Variants in USP48 observed in about 807,000 individuals in gnomAD.
USP48 encodes the protein ubiquitin specific peptidase 48, also known as ubiquitin carboxyl-terminal hydrolase 48.
A neutral mutation model predicts 150.7 loss-of-function variants in USP48; 43 were observed. The ratio of observed to expected loss-of-function variants is 0.29; its 90% confidence interval spans 0.22 to 0.37. USP48 has a LOEUF of 0.37. Ranked by LOEUF, USP48 falls within the 10% of genes least tolerant of loss-of-function variation. The probability of loss-of-function intolerance (pLI) is 1.00; values close to 1 mark genes in which losing one functional copy is unlikely to be tolerated. For missense variants in USP48, 813 were observed against 1,249.6 expected, an observed-to-expected ratio of 0.65 and a Z score of 5.27; for synonymous variants, 396 against 425.9, an observed-to-expected ratio of 0.93 and a Z score of 0.86.
chr1:21,778,752 AT>A (rs751636416), intron 1 of USP48, among the ~76,000 whole-genome samples: 361 of 144,392 alleles, frequency 2.5e-3, no homozygotes, highest in East Asian at 3.2e-3. Flanking sequence ...ATTTCCACAA[AT>A]TTTTTTTTTT....
intron 23 of USP48, among the ~76,000 whole-genome samples, chr1:21,690,686 G>A (rs2097595972): frequency 6.6e-6 from 1 of 151,886 alleles, no homozygotes; most frequent in African/African-American, 2.4e-5. Context: ...ACCATGTCTG[G>A]CGGATTTTTT....
At chr1:21,681,737 GT>G (rs1327565458) in intron 25 of USP48, among the ~76,000 whole-genome samples, 3 of 152,192 alleles carry the variant, frequency 2.0e-5, no homozygotes, top group African/African-American at 7.2e-5. Flanking sequence ...ACTAGTCACA[GT>G]TGAATGCCTT....
rs745580593 is a variant in USP48, at chr1:21,679,395, G to C, written c.*22C>G. 6.2e-7 allele frequency: 1 copy of C among 1,614,004 alleles called. No homozygotes were observed. Among genetic ancestry groups the C allele is most frequent in the South Asian group, 1.1e-5 (1 of 91,080 alleles). On this transcript the variant is annotated 3_prime_UTR_variant, in exon 27 of 27. Coordinates refer to ENST00000308271, the MANE Select transcript of USP48 (RefSeq NM_032236.8). ...CCTCTTCCCCTCTGGTCATTTCTTA[G>C]CAGTCAGCAAGTATTCAAAGATTAA...
Position 21,752,927 on chromosome 1 carries a change from T to C in USP48, c.540+65A>G. 2.0e-6 allele frequency: 3 copies of C among 1,500,486 alleles called. No homozygotes were observed. In the South Asian group the frequency reaches 3.9e-5, roughly 20 times the overall value. The allele number at this position is 1,500,486 out of a possible 1,614,324, so 92.9% of individuals were successfully genotyped here. On this transcript the variant is annotated intron_variant, in intron 4 of 26. Transcript: ENST00000308271. ...AAGCATTCTACTTCATCTCCCTTTA[T>C]AAACATGCTTAGGATGTTTGGGTAC...
chr1:21,710,197 A>G (rs1448848817), intron 15 of USP48, among the ~76,000 whole-genome samples: 1 of 152,182 alleles, frequency 6.6e-6, no homozygotes. Context: ...TATGAGCAAT[A>G]CCTCCCAAAA....
At chr1:21,746,582 C>T (rs941416113) in intron 8 of USP48, among the ~76,000 whole-genome samples, 2 of 152,230 alleles carry the variant, frequency 1.3e-5, no homozygotes, top group Admixed American at 1.3e-4. Context: ...AAAAGCAGTA[C>T]TTATTTCTTG....
At chr1:21,760,313 A>T (rs1435439443) in intron 1 of USP48, among the ~76,000 whole-genome samples, 1 of 152,256 alleles carries the variant, frequency 6.6e-6, no homozygotes, top group East Asian at 1.9e-4. Flanking sequence ...AGATTTCTGT[A>T]GGATACCCAC....
chr1:21,753,778 G>C (rs777843813), intron 3 of USP48, among the ~76,000 whole-genome samples: 1 of 136,476 alleles, frequency 7.3e-6, no homozygotes, highest in Non-Finnish European at 1.5e-5. Context: ...GGTGAGCAGA[G>C]ATCATGCCAC....
At chr1:21,691,929 T>A (rs35263950) in intron 23 of USP48, among the ~76,000 whole-genome samples, 7,841 of 152,208 alleles carry the variant, frequency 0.052, 244 homozygotes, top group Middle Eastern at 0.065. Context: ...CATGATGTCA[T>A]GGGAAAACCA....
intron 14 of USP48, among the ~76,000 whole-genome samples, chr1:21,718,486 C>T (rs1013953845): frequency 6.6e-6 from 1 of 151,734 alleles, no homozygotes; most frequent in African/African-American, 2.4e-5. Flanking sequence ...TAAGCTATGC[C>T]AACATGAAGG....
At chr1:21,765,585 CAA>C (rs2097859712) in intron 1 of USP48, among the ~76,000 whole-genome samples, 1 of 144,836 alleles carries the variant, frequency 6.9e-6, no homozygotes, top group Non-Finnish European at 1.5e-5. Flanking sequence ...CCACTGCACT[CAA>C]GTCTGGGTGA....
chr1:21,697,260 C>T (rs916918908), intron 22 of USP48, among the ~76,000 whole-genome samples: 7 of 150,644 alleles, frequency 4.6e-5, no homozygotes, highest in Non-Finnish European at 7.4e-5. Context: ...TCTACATAGG[C>T]AACTGAGTGA....
intron 15 of USP48, among the ~76,000 whole-genome samples, chr1:21,708,191 AAAAC>A (rs1457964663): frequency 3.3e-5 from 5 of 152,028 alleles, no homozygotes; most frequent in African/African-American, 4.8e-5. Context: ...AACACAAAAC[AAAAC>A]AAACAAAACA....
At chr1:21,693,094 A>G (rs1051778931) in intron 23 of USP48, among the ~76,000 whole-genome samples, 1 of 152,142 alleles carries the variant, frequency 6.6e-6, no homozygotes, top group Admixed American at 6.6e-5. Flanking sequence ...CGATCGCCTC[A>G]GCTGCCAGCC....
chr1:21,692,048 T>C (rs1275213697), intron 23 of USP48, among the ~76,000 whole-genome samples: 1 of 152,100 alleles, frequency 6.6e-6, no homozygotes, highest in Non-Finnish European at 1.5e-5. Flanking sequence ...GACAGGCCAG[T>C]GTGATGGGGA....
chr1:21,740,437 C>CTTATATT (rs1478543497), intron 8 of USP48, among the ~76,000 whole-genome samples: 2 of 152,198 alleles, frequency 1.3e-5, no homozygotes, highest in Non-Finnish European at 1.5e-5. Context: ...CTGCCTTATA[C>CTTATATT]TTATATTTTG....
rs775315813 is a variant in USP48 at position 21,680,320 on chromosome 1, G to A, written c.3085+488C>T. Among the ~76,000 whole-genome samples, 5 of 152,180 alleles carry A rather than the reference G, an allele frequency of 3.3e-5. No individual in the cohort carries two copies. The South Asian group carries it at 6.2e-4, about 19-fold the overall frequency. On this transcript the variant is annotated intron_variant, in intron 26 of 26. Transcript: ENST00000308271. The stretch of plus-strand genomic sequence containing the variant: ...CAACTACATGGCCCAGATGTAGTAC[G>A]AGCACCACCGTGTCTCCTCTTGAAG...
intron 9 of USP48, among the ~76,000 whole-genome samples, chr1:21,734,676 C>CT (rs535574759): frequency 6.7e-4 from 102 of 152,348 alleles, no homozygotes; most frequent in Non-Finnish European, 1.2e-3. Context: ...CTGTTTAGCA[C>CT]TTTCTTGTGA....
At chr1:21,697,662 CAA>C (rs372121302) in intron 22 of USP48, among the ~76,000 whole-genome samples, 19 of 68,370 alleles carry the variant, frequency 2.8e-4, no homozygotes, top group Admixed American at 8.7e-4. Flanking sequence ...GACTCCATCT[CAA>C]AAAAAAAAAA....
Sources: allele counts gnomAD v4.1 joint callset (sites outside exome capture counted in the v4.1 genomes callset), GRCh38; gene constraint gnomAD v4.1.1; transcripts MANE v1.5; gene names NCBI Gene and HGNC (gene_info 2026-07-23, HGNC 2026-07-21).